PELI2: variants seen among roughly 807,000 people sequenced by gnomAD.
PELI2 encodes E3 ubiquitin-protein ligase pellino homolog 2.
Under a neutral mutation model 42.3 loss-of-function variants are expected in PELI2, and 23 were observed. The ratio of observed to expected loss-of-function variants is 0.54; its 90% CI spans 0.39 to 0.77. The LOEUF (loss-of-function observed/expected upper bound fraction) is 0.77. Ranked by LOEUF, PELI2 falls within the 30% of genes least tolerant of loss-of-function variation. PELI2 has a pLI of 0.00. For missense variants in PELI2, 463 were observed against 553.2 expected (o/e 0.84, Z 1.64); for synonymous variants, 245 against 212.2 (o/e 1.15, Z -1.34).
chr14:56,142,042 A>G (rs184265731), intron 1 of PELI2, among the ~76,000 whole-genome samples: 123 of 152,254 alleles, frequency 8.1e-4, no homozygotes, highest in African/African-American at 2.8e-3. Flanking sequence ...TCTCTAAGTT[A>G]CTGTGATTTG....
At chr14:56,263,199 G>C (rs1317969277) in intron 2 of PELI2, among the ~76,000 whole-genome samples, 2 of 152,116 alleles carry the variant, frequency 1.3e-5, no homozygotes, top group Non-Finnish European at 2.9e-5. Flanking sequence ...GACCTCAGGT[G>C]ATCCTCCCAT....
In PELI2 at chr14:56,213,749, G is replaced by A. The variant is rs923262721; in HGVS notation, c.207+35285G>A. ...ATTGGTGAGGGGTAGGAAGATGCCA[G>A]TAAAAAACTTAAGATTATTTATTTA... On this transcript the variant is annotated intron_variant, in intron 2 of 5. Coordinates refer to ENST00000267460, the MANE Select transcript of PELI2 (RefSeq NM_021255.3). Among the ~76,000 whole-genome samples, 5 of 152,318 alleles carry A rather than the reference G, an allele frequency of 3.3e-5. No individual in the cohort carries two copies. The East Asian group carries it at 9.6e-4, about 29-fold the overall frequency.
chr14:56,295,491 C>T (rs1248390542), intron 5 of PELI2, among the ~76,000 whole-genome samples: 1 of 152,198 alleles, frequency 6.6e-6, no homozygotes, highest in Non-Finnish European at 1.5e-5. Context: ...ATCCTCCCTA[C>T]TGAGGCCTGA....
At chr14:56,206,945 C>T (rs1470785778) in intron 2 of PELI2, among the ~76,000 whole-genome samples, 1 of 152,158 alleles carries the variant, frequency 6.6e-6, no homozygotes, top group African/African-American at 2.4e-5. Context: ...GTTGGCTATG[C>T]CTAATCAAAA....
chr14:56,177,442 G>A (rs1885421712), intron 1 of PELI2, among the ~76,000 whole-genome samples: 1 of 152,160 alleles, frequency 6.6e-6, no homozygotes, highest in Non-Finnish European at 1.5e-5. Flanking sequence ...CCTTGTTTTA[G>A]TTTTTTATTT....
intron 3 of PELI2, among the ~76,000 whole-genome samples, chr14:56,286,791 G>A (rs1457133287): frequency 1.3e-5 from 2 of 152,030 alleles, no homozygotes; most frequent in Non-Finnish European, 2.9e-5. Context: ...GCAACATGAG[G>A]CTTGTGTCAT....
At position 56,154,034 on chromosome 14, in the gene PELI2, A is replaced by G. The variant is rs959939384; in HGVS notation, c.78-24301A>G. On this transcript the variant is annotated intron_variant, in intron 1 of 5. Coordinates refer to ENST00000267460, the MANE Select transcript of PELI2 (RefSeq NM_021255.3). ...ATATACACTTTAAATTCTGATTTAA[A>G]TATACTCAATATAGACATTTAGAAG... Among the ~76,000 whole-genome samples the G allele has an allele frequency of 3.9e-5, 6 of 152,358 alleles. No homozygotes were observed. The East Asian group carries it at 1.2e-3, about 29-fold the overall frequency.
chr14:56,246,092 C>T (rs1480513794), intron 2 of PELI2, among the ~76,000 whole-genome samples: 1 of 152,150 alleles, frequency 6.6e-6, no homozygotes, highest in Non-Finnish European at 1.5e-5. Context: ...CAGGAGACTT[C>T]AGGAGTAATC....
intron 1 of PELI2, among the ~76,000 whole-genome samples, chr14:56,161,812 G>T (rs534726010): frequency 6.6e-6 from 1 of 152,200 alleles, no homozygotes; most frequent in East Asian, 1.9e-4. Context: ...TGAATCTATT[G>T]TAAGGCCAAG....
chr14:56,142,846 C>T (rs1001678798), intron 1 of PELI2, among the ~76,000 whole-genome samples: 1 of 151,988 alleles, frequency 6.6e-6, no homozygotes, highest in African/African-American at 2.4e-5. Context: ...TTTTAAACTA[C>T]AGCTTTTTTT....
chr14:56,176,227 A>G (rs1298799056), intron 1 of PELI2, among the ~76,000 whole-genome samples: 1 of 152,214 alleles, frequency 6.6e-6, no homozygotes, highest in Non-Finnish European at 1.5e-5. Flanking sequence ...TAGCCAAACA[A>G]GCGTCTGCTG....
At chr14:56,175,247 C>T (rs940337820) in intron 1 of PELI2, among the ~76,000 whole-genome samples, 8 of 152,296 alleles carry the variant, frequency 5.3e-5, no homozygotes, top group South Asian at 4.1e-4. Flanking sequence ...CTACCTGCCT[C>T]GGCCTCCCAA....
intron 1 of PELI2, among the ~76,000 whole-genome samples, chr14:56,132,420 T>G (rs1355150506): frequency 6.6e-6 from 1 of 152,182 alleles, no homozygotes; most frequent in Non-Finnish European, 1.5e-5. Context: ...TACATTAAGG[T>G]CCGAAGTTGT....
chr14:56,238,920 G>A (rs947948220), intron 2 of PELI2, among the ~76,000 whole-genome samples: 1 of 152,196 alleles, frequency 6.6e-6, no homozygotes, highest in Admixed American at 6.5e-5. Flanking sequence ...AAGAGTAACA[G>A]GTAGGAAGGT....
chr14:56,188,352 A>G (rs994924827), intron 2 of PELI2, among the ~76,000 whole-genome samples: 1 of 152,216 alleles, frequency 6.6e-6, no homozygotes, highest in South Asian at 2.1e-4. Flanking sequence ...AGGCACATGC[A>G]TAGATAGTTT....
chr14:56,145,756 C>T (rs533891692), intron 1 of PELI2, among the ~76,000 whole-genome samples: 9 of 152,230 alleles, frequency 5.9e-5, no homozygotes, highest in East Asian at 1.9e-4. Context: ...GGAAAAGATA[C>T]GGCCTCTGCT....
intron 2 of PELI2, among the ~76,000 whole-genome samples, chr14:56,255,633 T>C (rs1259262774): frequency 6.6e-6 from 1 of 152,134 alleles, no homozygotes; most frequent in East Asian, 1.9e-4. Context: ...TAAAGTATAA[T>C]TTTTTAAAAA....
chr14:56,229,627 C>G (rs1345608335), intron 2 of PELI2, among the ~76,000 whole-genome samples: 4 of 152,050 alleles, frequency 2.6e-5, no homozygotes, highest in Non-Finnish European at 5.9e-5. Flanking sequence ...TAGATAAAAC[C>G]AAAAAGATGG....
chr14:56,246,303 G>C (rs1888153596), intron 2 of PELI2, among the ~76,000 whole-genome samples: 1 of 152,138 alleles, frequency 6.6e-6, no homozygotes, highest in South Asian at 2.1e-4. Context: ...ACTCAAATCT[G>C]ATCCCCCTTC....
Sources: allele counts gnomAD v4.1 joint callset (sites outside exome capture counted in the v4.1 genomes callset), GRCh38; gene constraint gnomAD v4.1.1; transcripts MANE v1.5; gene names NCBI Gene and HGNC (gene_info 2026-07-23, HGNC 2026-07-21).